DCDC1: variants seen among roughly 807,000 people sequenced by gnomAD.
DCDC1 encodes doublecortin domain containing 1.
Under a neutral mutation model 178.3 loss-of-function variants are expected in DCDC1, and 200 were observed. That is an observed-to-expected ratio of 1.12 (90% CI 1.00 to 1.26). The LOEUF is 1.26. DCDC1 is among the 50% of genes most tolerant of loss of function. The pLI, the probability that DCDC1 is intolerant of heterozygous loss-of-function variation, is 0.00. For synonymous variants in DCDC1, 690 were observed against 604.8 expected, an observed-to-expected ratio of 1.14 and a Z score of -2.07; for missense variants, 1,983 against 1,749.2, an observed-to-expected ratio of 1.13 and a Z score of -2.38.
intron 21 of DCDC1, among the ~76,000 whole-genome samples, chr11:30,945,839 A>T (rs981480667): frequency 1.1e-4 from 17 of 152,206 alleles, no homozygotes; most frequent in Middle Eastern, 3.4e-3. Context: ...ACATAAAAAA[A>T]GTATCTTCTT....
chr11:31,184,614 T>C (rs1969249111), intron 9 of DCDC1, among the ~76,000 whole-genome samples: 1 of 152,116 alleles, frequency 6.6e-6, no homozygotes, highest in Non-Finnish European at 1.5e-5. Context: ...AAAAAGGATA[T>C]GAACACACTT....
intron 2 of DCDC1, among the ~76,000 whole-genome samples, chr11:31,331,957 C>T (rs184676060): frequency 2.0e-5 from 3 of 152,218 alleles, no homozygotes; most frequent in Admixed American, 1.3e-4. Context: ...AGAAATGGTA[C>T]CAGCTCCTCC....
chr11:30,973,758 A>G (rs1303192620), intron 20 of DCDC1, among the ~76,000 whole-genome samples: 1 of 152,184 alleles, frequency 6.6e-6, no homozygotes, highest in African/African-American at 2.4e-5. Context: ...TATTAAACAT[A>G]AAGGGAGAAA....
chr11:31,150,541 A>G (rs75894164), intron 9 of DCDC1, among the ~76,000 whole-genome samples: 3,135 of 152,262 alleles, frequency 0.021, 97 homozygotes, highest in African/African-American at 0.07. Context: ...TTTTTAATTT[A>G]TATCAGCTTT....
At chr11:31,323,853 A>C (rs1292802514) in intron 3 of DCDC1, among the ~76,000 whole-genome samples, 1 of 152,150 alleles carries the variant, frequency 6.6e-6, no homozygotes, top group East Asian at 1.9e-4. Flanking sequence ...AGTTTTTATT[A>C]AACTTCATCC....
At chr11:31,022,173 A>G (rs1952917211) in intron 20 of DCDC1, among the ~76,000 whole-genome samples, 1 of 152,180 alleles carries the variant, frequency 6.6e-6, no homozygotes, top group Non-Finnish European at 1.5e-5. Context: ...CAAGTCCAAA[A>G]TCAACGTGCC....
chr11:30,952,462 T>A lies in DCDC1; in HGVS notation c.2698A>T (p.Ser900Cys). ...KLTYMWPVLPSGQLNEEFDWP... is the reference protein window; with the variant it reads ...KLTYMWPVLPCGQLNEEFDWP... ...AACACAACCTCATTAAGTTGGCCAC[T>A]GGGAAGGACAGGCCACATGTAGGTA... Residue 900 changes from serine to cysteine, a missense_variant, in exon 21 of 39, where the codon AGT (serine) becomes TGT (cysteine). Physicochemically the swap from Ser to Cys is moderately radical, Grantham distance 112. Coordinates refer to ENST00000684477, the MANE Select transcript of DCDC1 (RefSeq NM_001387274.1). 6.4e-7 allele frequency: 1 copy of A among 1,568,406 alleles called. No homozygotes were observed. The highest frequency in any genetic ancestry group is 8.6e-7 in the Non-Finnish European group (1 of 1,159,648).
At chr11:31,326,636 T>A (rs906014048) in intron 3 of DCDC1, among the ~76,000 whole-genome samples, 1 of 152,112 alleles carries the variant, frequency 6.6e-6, no homozygotes, top group African/African-American at 2.4e-5. Context: ...GTATAAAGGA[T>A]CTCATATACT....
intron 20 of DCDC1, among the ~76,000 whole-genome samples, chr11:30,963,404 T>G (rs1471115998): frequency 6.6e-6 from 1 of 152,104 alleles, no homozygotes; most frequent in African/African-American, 2.4e-5. Flanking sequence ...CCAAATCAAT[T>G]TTCTCTTCCT....
At chr11:31,080,414 AT>A in intron 17 of DCDC1, among the ~76,000 whole-genome samples, 1 of 152,316 alleles carries the variant, frequency 6.6e-6, no homozygotes, top group African/African-American at 2.4e-5. Context: ...AATGGAAGTT[AT>A]TTTGTGTAAG....
intron 7 of DCDC1, among the ~76,000 whole-genome samples, chr11:31,273,988 C>T (rs1945785694): frequency 1.3e-5 from 2 of 152,148 alleles, no homozygotes; most frequent in Non-Finnish European, 2.9e-5. Flanking sequence ...AAAGACCCAT[C>T]CCCATGACTC....
chr11:30,928,975 A>T (rs542106022), intron 22 of DCDC1, among the ~76,000 whole-genome samples: 2 of 152,154 alleles, frequency 1.3e-5, no homozygotes, highest in Non-Finnish European at 2.9e-5. Flanking sequence ...AAGATGCTTA[A>T]TTTGAATATA....
At chr11:30,897,538 G>A (rs995048001) in intron 34 of DCDC1, among the ~76,000 whole-genome samples, 4 of 129,490 alleles carry the variant, frequency 3.1e-5, no homozygotes, top group Non-Finnish European at 6.2e-5. Flanking sequence ...AGCTGAGATC[G>A]CACCGCTGGA....
chr11:31,266,230 C>G (rs1268991584), intron 7 of DCDC1, among the ~76,000 whole-genome samples: 1 of 152,098 alleles, frequency 6.6e-6, no homozygotes, highest in East Asian at 1.9e-4. Flanking sequence ...AGGACTTTAC[C>G]TTTAATGGTT....
At chr11:31,064,932 T>G (rs1956162761) in intron 19 of DCDC1, 87 bp downstream of exon 19, 3 of 607,132 alleles carry the variant, frequency 4.9e-6, no homozygotes, top group Non-Finnish European at 8.7e-6. Context: ...TGTGCTTGCC[T>G]CCTGAAAACA....
intron 21 of DCDC1, chr11:30,944,373 A>C: frequency 2.2e-6 from 1 of 455,700 alleles, no homozygotes; most frequent in Non-Finnish European, 4.4e-6. Context: ...TTAGATAAAT[A>C]GTAAAGTTGG....
chr11:31,204,932 CA>C (rs1971701384), intron 9 of DCDC1, among the ~76,000 whole-genome samples: 1 of 152,158 alleles, frequency 6.6e-6, no homozygotes, highest in African/African-American at 2.4e-5. Flanking sequence ...GCAGACCCTT[CA>C]AATTCAGTCA....
At chr11:31,000,206 C>T (rs1375189815) in intron 20 of DCDC1, among the ~76,000 whole-genome samples, 1 of 152,092 alleles carries the variant, frequency 6.6e-6, no homozygotes, top group African/African-American at 2.4e-5. Flanking sequence ...ATTATAAATC[C>T]ATTCATTCAA....
intron 1 of DCDC1, among the ~76,000 whole-genome samples, chr11:31,365,739 G>T (rs1951925554): frequency 6.6e-6 from 1 of 152,108 alleles, no homozygotes; most frequent in South Asian, 2.1e-4. Flanking sequence ...TATAGCACTT[G>T]ATCAATCATC....
Sources: gnomAD v4.1 joint callset for allele counts (sites outside exome capture counted in the v4.1 genomes callset) on GRCh38, gnomAD v4.1.1 for gene constraint, MANE v1.5 for transcripts, NCBI Gene and HGNC (gene_info 2026-07-23, HGNC 2026-07-21) for gene names.